CHCHD3: variants seen among roughly 807,000 people sequenced by gnomAD.
CHCHD3 encodes the protein coiled-coil-helix-coiled-coil-helix domain containing 3, also known as MICOS complex subunit MIC19.
CHCHD3 carries 20 observed loss-of-function variants against 38.2 expected under a neutral mutation model. The observed-to-expected ratio is 0.52, with a 90% CI of 0.37 to 0.76. The LOEUF (loss-of-function observed/expected upper bound fraction) is 0.76. Among genes scored for constraint, CHCHD3 ranks in the 30% least tolerant of loss-of-function variants. The probability of loss-of-function intolerance (pLI) is 0.00; values close to 1 mark genes in which losing one functional copy is unlikely to be tolerated. For synonymous variants in CHCHD3, 82 were observed against 100.0 expected, an observed-to-expected ratio of 0.82 and a Z score of 1.07; for missense variants, 245 against 279.2, an observed-to-expected ratio of 0.88 and a Z score of 0.87.
intron 6 of CHCHD3, among the ~76,000 whole-genome samples, chr7:132,812,540 T>C (rs2092716463): frequency 6.6e-6 from 1 of 152,116 alleles, no homozygotes; most frequent in African/African-American, 2.4e-5. Flanking sequence ...TCCATTGCCA[T>C]TATCCTAGTC....
In CHCHD3 at chr7:132,791,590, C is replaced by T. The variant is rs574228333; in HGVS notation, c.660+4852G>A. Among the ~76,000 whole-genome samples the T allele has an allele frequency of 4.6e-5, 7 of 152,152 alleles. No homozygotes were observed. In the East Asian group the frequency reaches 1.2e-3, roughly 25 times the overall value. On this transcript the variant is annotated intron_variant, in intron 7 of 7. Transcript: ENST00000262570. ...AAAGCTACTACTATGTTTTCAGGAC[C>T]CCTTCATACTCAAAATATGTCACAG...
intron 4 of CHCHD3, among the ~76,000 whole-genome samples, chr7:132,960,391 C>T (rs1365426393): frequency 6.6e-6 from 1 of 152,108 alleles, no homozygotes; most frequent in Non-Finnish European, 1.5e-5. Context: ...AAATATGCTG[C>T]ATTCTAAAGG....
At chr7:133,033,764 T>C (rs1813569916) in intron 2 of CHCHD3, among the ~76,000 whole-genome samples, 1 of 152,156 alleles carries the variant, frequency 6.6e-6, no homozygotes, top group Non-Finnish European at 1.5e-5. Context: ...CAAAACCACA[T>C]TTTGCCCGGT....
intron 4 of CHCHD3, among the ~76,000 whole-genome samples, chr7:132,890,043 T>C (rs1159081666): frequency 6.6e-6 from 1 of 152,224 alleles, no homozygotes; most frequent in Non-Finnish European, 1.5e-5. Context: ...TATTGAATAG[T>C]TTTCAGATCT....
At chr7:133,045,726 T>C (rs533466021) in intron 2 of CHCHD3, among the ~76,000 whole-genome samples, 1 of 152,276 alleles carries the variant, frequency 6.6e-6, no homozygotes, top group South Asian at 2.1e-4. Context: ...CAAATTGTAA[T>C]CGCCAGTGTT....
At chr7:132,851,760 A>G (rs966068176) in intron 5 of CHCHD3, among the ~76,000 whole-genome samples, 1 of 152,250 alleles carries the variant, frequency 6.6e-6, no homozygotes. Flanking sequence ...TCTCCAGGTC[A>G]TAAGTTTTCC....
intron 7 of CHCHD3, 40 bp downstream of exon 7, chr7:132,796,402 A>T: frequency 6.2e-7 from 1 of 1,608,660 alleles, no homozygotes; most frequent in Non-Finnish European, 8.5e-7. Flanking sequence ...CCAGTTTTCA[A>T]TTTGCCCAGT....
chr7:132,802,756 C>T (rs1806824704), intron 6 of CHCHD3, among the ~76,000 whole-genome samples: 1 of 152,138 alleles, frequency 6.6e-6, no homozygotes, highest in Non-Finnish European at 1.5e-5. Context: ...GGTGACTCAA[C>T]ATAACTGATG....
intron 4 of CHCHD3, among the ~76,000 whole-genome samples, chr7:132,968,618 C>G (rs1274432456): frequency 6.6e-6 from 1 of 152,150 alleles, no homozygotes; most frequent in East Asian, 1.9e-4. Flanking sequence ...TAATCCAAGT[C>G]TAAATTGCAC....
intron 4 of CHCHD3, among the ~76,000 whole-genome samples, chr7:132,899,479 C>G (rs1033931325): frequency 2.0e-5 from 3 of 152,182 alleles, no homozygotes; most frequent in African/African-American, 7.2e-5. Context: ...GCCACATAAT[C>G]AGATTTGTTA....
Position 132,802,812 on chromosome 7 carries a change from C to A in CHCHD3, c.525-6235G>T, listed in dbSNP as rs139897722. 7.8e-3 allele frequency among the ~76,000 whole-genome samples: 1,184 copies of A among 152,168 alleles called. 18 individuals are homozygous for A. Among genetic ancestry groups the A allele is most frequent in the African/African-American group, 0.026 (1,096 of 41,512 alleles). On this transcript the variant is annotated intron_variant, in intron 6 of 7. Transcript: ENST00000262570. Reference sequence around the variant, plus strand: ...AAGGACCCCAAATAAACTTCCAGATCACATATAATTTAGAACAACCATGTA... The same window carrying A: ...AAGGACCCCAAATAAACTTCCAGATAACATATAATTTAGAACAACCATGTA...
intron 4 of CHCHD3, among the ~76,000 whole-genome samples, chr7:132,956,877 C>T (rs1811187010): frequency 6.6e-6 from 1 of 152,192 alleles, no homozygotes; most frequent in Non-Finnish European, 1.5e-5. Context: ...AAAACTGCAA[C>T]ATATTAGGCA....
intron 1 of CHCHD3, among the ~76,000 whole-genome samples, chr7:133,073,383 T>A (rs1469605682): frequency 6.6e-6 from 1 of 152,198 alleles, no homozygotes. Flanking sequence ...ATTCCATTAA[T>A]AAATGCATTC....
intron 5 of CHCHD3, among the ~76,000 whole-genome samples, chr7:132,856,475 A>G (rs1808345146): frequency 6.6e-6 from 1 of 152,248 alleles, no homozygotes; most frequent in Admixed American, 6.5e-5. Context: ...AATCGGGGTG[A>G]ATAATGTGAA....
At chr7:133,004,012 C>CA (rs1179139885) in intron 3 of CHCHD3, among the ~76,000 whole-genome samples, 2 of 151,208 alleles carry the variant, frequency 1.3e-5, no homozygotes, top group African/African-American at 4.9e-5. Flanking sequence ...GGCTGCAGTA[C>CA]AATGGCGCAA....
intron 4 of CHCHD3, among the ~76,000 whole-genome samples, chr7:132,910,438 C>T (rs532607051): frequency 6.6e-6 from 1 of 152,248 alleles, no homozygotes; most frequent in South Asian, 2.1e-4. Flanking sequence ...ACTCTTTATT[C>T]CTTAACTTTC....
chr7:132,867,878 T>A (rs747392103), intron 5 of CHCHD3, among the ~76,000 whole-genome samples: 4 of 152,212 alleles, frequency 2.6e-5, no homozygotes, highest in Non-Finnish European at 4.4e-5. Context: ...GGAAATGTTT[T>A]AACTGCAGAG....
chr7:132,866,911 TC>T (rs1808640353), intron 5 of CHCHD3, among the ~76,000 whole-genome samples: 1 of 152,154 alleles, frequency 6.6e-6, no homozygotes, highest in Non-Finnish European at 1.5e-5. Context: ...AGCAGGCTTC[TC>T]CCCCAGGTAG....
intron 5 of CHCHD3, among the ~76,000 whole-genome samples, chr7:132,860,322 G>GAGAGAGAGAGAGAT (rs1554377230): frequency 2.0e-5 from 3 of 149,876 alleles, no homozygotes; most frequent in African/African-American, 7.4e-5. Flanking sequence ...GAGAAAGAGA[G>GAGAGAGAGAGAGAT]AGAGAGAGAG....
Sources: gnomAD v4.1 joint callset for allele counts (sites outside exome capture counted in the v4.1 genomes callset) on GRCh38, gnomAD v4.1.1 for gene constraint, MANE v1.5 for transcripts, NCBI Gene and HGNC (gene_info 2026-07-23, HGNC 2026-07-21) for gene names.